NCOR1: variants seen among roughly 807,000 people sequenced by gnomAD.
NCOR1 encodes nuclear receptor corepressor 1, also known as protein phosphatase 1, regulatory subunit 109.
A neutral mutation model predicts 288.1 loss-of-function variants in NCOR1; 63 were observed. That is an observed-to-expected ratio of 0.22 (90% confidence interval 0.18 to 0.27). The LOEUF (loss-of-function observed/expected upper bound fraction) is 0.27. Ranked by LOEUF, NCOR1 falls within the 10% of genes least tolerant of loss-of-function variation. NCOR1 has a pLI of 1.00. For synonymous variants in NCOR1, 1,007 were observed against 1,065.9 expected (o/e 0.94, Z 1.08); for missense variants, 2,397 against 3,019.2 (o/e 0.79, Z 4.83).
intron 8 of NCOR1, 78 bp from the exon 9 acceptor site, chr17:16,149,595 A>T (rs1039318940): frequency 5.2e-6 from 3 of 571,892 alleles, no homozygotes; most frequent in Non-Finnish European, 9.1e-6. Flanking sequence ...TTCCAGAGAC[A>T]CTGGAAAATA....
chr17:16,111,973 C>T (rs1384725100), intron 18 of NCOR1, among the ~76,000 whole-genome samples: 2 of 151,926 alleles, frequency 1.3e-5, no homozygotes, highest in Non-Finnish European at 2.9e-5. Flanking sequence ...GGGTTCAGGC[C>T]ATTCTCCTGC....
intron 42 of NCOR1, among the ~76,000 whole-genome samples, chr17:16,043,855 G>A (rs146360620): frequency 2.2e-4 from 33 of 152,334 alleles, no homozygotes; most frequent in African/African-American, 7.7e-4. Context: ...ACTGGAGACA[G>A]AAAATAGTAA....
intron 1 of NCOR1, among the ~76,000 whole-genome samples, chr17:16,208,961 T>A (rs1157112722): frequency 6.6e-6 from 1 of 152,194 alleles, no homozygotes; most frequent in Non-Finnish European, 1.5e-5. Flanking sequence ...AACTGCCATA[T>A]GTGTATCAGA....
At chr17:16,060,869 C>T (rs1311861767) in intron 37 of NCOR1, among the ~76,000 whole-genome samples, 2 of 152,166 alleles carry the variant, frequency 1.3e-5, no homozygotes, top group Admixed American at 1.3e-4. Context: ...TAATGTAGAC[C>T]TGTGAATTCT....
At chr17:16,185,841 G>C (rs1457067385) in intron 3 of NCOR1, among the ~76,000 whole-genome samples, 1 of 151,608 alleles carries the variant, frequency 6.6e-6, no homozygotes, top group East Asian at 1.9e-4. Context: ...GGAGACTAAG[G>C]TGGGAGAATC....
chr17:16,158,258 G>T (rs996643979), intron 6 of NCOR1, among the ~76,000 whole-genome samples: 1 of 152,180 alleles, frequency 6.6e-6, no homozygotes, highest in Non-Finnish European at 1.5e-5. Context: ...ATGGGCATGA[G>T]CCACCATGCC....
chr17:16,163,864 GGAC>G lies in NCOR1; in HGVS notation c.618+1112_618+1114del, dbSNP rs2081409733. ...CACAAGATACGACATGGATGAATCA[GGAC>G]AACATGCTAAATAAATGAAGCCAAA... On this transcript the variant is annotated intron_variant, in intron 5 of 45. Coordinates refer to ENST00000268712, the MANE Select transcript of NCOR1 (RefSeq NM_006311.4). Among the ~76,000 whole-genome samples, 4 of 152,162 alleles carry G rather than the reference GGAC, an allele frequency of 2.6e-5. No homozygotes were observed. The South Asian group carries it at 6.2e-4, about 24-fold the overall frequency.
rs145977263 is a variant in NCOR1, at chr17:16,040,080, G to A, written c.6733+361C>T. On this transcript the variant is annotated intron_variant, in intron 43 of 45. Coordinates refer to ENST00000268712, the MANE Select transcript of NCOR1 (RefSeq NM_006311.4). Reference sequence around the variant, plus strand: ...GCTGGGATTACAGGCGTGAGCCACCGCACCCAGCCCAGAGACCATCTTAAT... The same window carrying A: ...GCTGGGATTACAGGCGTGAGCCACCACACCCAGCCCAGAGACCATCTTAAT... The A allele has an allele frequency of 2.7e-3, 1,252 of 459,102 alleles. 20 individuals carry two copies. Among genetic ancestry groups the A allele is most frequent in the African/African-American group, 0.022 (1,117 of 50,374 alleles). 28.4% of individuals were successfully genotyped at this position (459,102 alleles called of 1,614,324 possible). A position where few individuals can be genotyped will look rare whatever the true frequency, so the allele number is the denominator to read the frequency against.
chr17:16,137,872 C>T (rs184277890), intron 13 of NCOR1: 14 of 330,862 alleles, frequency 4.2e-5, no homozygotes, highest in East Asian at 3.3e-4. Flanking sequence ...GAAGCGAGCA[C>T]GAGACTGATA....
Position 16,127,482 on chromosome 17 carries a change from CGT to C in NCOR1, c.1510-1278_1510-1277del, listed in dbSNP as rs943269170. On this transcript the variant is annotated intron_variant, in intron 14 of 45. Transcript: ENST00000268712. ...ATATACGTGTATGTGTATATATACA[CGT>C]GTGTATATGTGCATGTATATACATA... Among the ~76,000 whole-genome samples, 11 of 138,334 alleles carry C rather than the reference CGT, an allele frequency of 8.0e-5. 1 individual carries two copies. The highest frequency in any genetic ancestry group is 1.9e-4 in the African/African-American group (7 of 35,978). The allele number at this position is 138,334 out of a possible 152,430, so 90.8% of individuals were successfully genotyped here.
chr17:16,047,048 G>T lies in NCOR1; in HGVS notation c.6582C>A (p.Phe2194Leu). The change falls in exon 42 of 46, where the codon TTC (phenylalanine) becomes TTA (leucine). Residue 2194 changes from phenylalanine to leucine, a missense_variant. Physicochemically the swap from Phe to Leu is conservative, Grantham distance 22. Around this residue, in one of 11 missense-constraint regions of NCOR1, gnomAD observed 1,872 missense variants for 2,187.8 expected, o/e 0.86. Coordinates refer to ENST00000268712, the MANE Select transcript of NCOR1 (RefSeq NM_006311.4). ...SPGSISYLPS[F>L]FTKLENTSPM... ...GTGATGTATTTTCAAGCTTGGTGAA[G>T]AATGAAGGCAAGTAGCTTATACTCC... The T allele has an allele frequency of 6.2e-7, 1 of 1,613,906 alleles. No individual in the cohort carries two copies. The highest frequency in any genetic ancestry group is 8.5e-7 in the Non-Finnish European group (1 of 1,179,920).
intron 37 of NCOR1, among the ~76,000 whole-genome samples, chr17:16,060,182 T>G (rs2060395049): frequency 6.6e-6 from 1 of 152,180 alleles, no homozygotes; most frequent in Admixed American, 6.5e-5. Context: ...GTACATAGCC[T>G]TTGGACATCA....
chr17:16,066,860 A>G (rs1763362797), intron 32 of NCOR1, among the ~76,000 whole-genome samples: 1 of 152,258 alleles, frequency 6.6e-6, no homozygotes, highest in African/African-American at 2.4e-5. Context: ...TAGCATACTG[A>G]TAATGAAAAA....
intron 32 of NCOR1, among the ~76,000 whole-genome samples, chr17:16,067,253 G>A (rs988648114): frequency 2.6e-5 from 4 of 152,226 alleles, no homozygotes; most frequent in Admixed American, 6.5e-5. Flanking sequence ...AGCTGTACTT[G>A]TTACTAGAAT....
intron 1 of NCOR1, among the ~76,000 whole-genome samples, chr17:16,205,392 G>A (rs1298342867): frequency 1.3e-5 from 2 of 152,180 alleles, no homozygotes; most frequent in Non-Finnish European, 2.9e-5. Flanking sequence ...GGAGGCCGAG[G>A]TGGGTGGATC....
intron 14 of NCOR1, among the ~76,000 whole-genome samples, 168 bp from the exon 15 acceptor site, chr17:16,126,374 A>G (rs2074045014): frequency 6.6e-6 from 1 of 152,140 alleles, no homozygotes; most frequent in Admixed American, 6.5e-5. Flanking sequence ...AATGTATTCT[A>G]TATGTACTGC....
At chr17:16,068,496 T>C in intron 31 of NCOR1, 1 of 222,888 alleles carries the variant, frequency 4.5e-6, no homozygotes, top group South Asian at 5.8e-5. Flanking sequence ...TTCAGTTTTC[T>C]CTCATTGCCT....
chr17:16,110,059 A>G (rs774375719), intron 18 of NCOR1, among the ~76,000 whole-genome samples: 12 of 152,182 alleles, frequency 7.9e-5, no homozygotes, highest in Non-Finnish European at 1.0e-4. Context: ...TTTACTATAA[A>G]AAAGCACAAA....
intron 14 of NCOR1, among the ~76,000 whole-genome samples, chr17:16,131,106 G>A (rs2075564032): frequency 6.6e-6 from 1 of 151,810 alleles, no homozygotes; most frequent in Non-Finnish European, 1.5e-5. Context: ...TCCCACCTCA[G>A]CCTCCTGAAT....
Sources: allele counts gnomAD v4.1 joint callset (sites outside exome capture counted in the v4.1 genomes callset), GRCh38; gene constraint gnomAD v4.1.1; regional missense constraint gnomAD v4.1.1; transcripts MANE v1.5; gene names NCBI Gene and HGNC (gene_info 2026-07-23, HGNC 2026-07-21).